ATF2: variants seen among roughly 807,000 people sequenced by gnomAD.
ATF2 encodes the protein activating transcription factor 2.
In ATF2, 24 loss-of-function variants were observed where a neutral mutation model predicts 60.6. That is an observed-to-expected ratio of 0.40 (90% CI 0.29 to 0.56). ATF2 has a LOEUF of 0.56. ATF2 is among the 20% of genes least tolerant of loss of function. ATF2 has a pLI of 0.54. For synonymous variants in ATF2, 206 were observed against 215.4 expected, an observed-to-expected ratio of 0.96 and a Z score of 0.38; for missense variants, 433 against 607.7, an observed-to-expected ratio of 0.71 and a Z score of 3.02.
intron 11 of ATF2, among the ~76,000 whole-genome samples, chr2:175,095,684 T>C (rs547779024): frequency 7.9e-5 from 12 of 152,302 alleles, no homozygotes; most frequent in Admixed American, 3.3e-4. Context: ...AAACTAAGTA[T>C]AGCAGTGAAC....
At chr2:175,137,685 A>C (rs1698233771) in intron 2 of ATF2, among the ~76,000 whole-genome samples, 1 of 152,006 alleles carries the variant, frequency 6.6e-6, no homozygotes, top group Admixed American at 6.6e-5. Context: ...CTCTAGAAAA[A>C]CTTTCAGAGG....
chr2:175,114,151 T>C, intron 8 of ATF2, 43 bp from the exon 9 acceptor site: 1 of 1,531,384 alleles, frequency 6.5e-7, no homozygotes, highest in East Asian at 2.3e-5. Flanking sequence ...AAGAGATTCA[T>C]ACCAACTGTC....
In ATF2 at chr2:175,090,168, G is replaced by C. The variant is rs368673771; in HGVS notation, c.1185+2893C>G. Among the ~76,000 whole-genome samples, 56 of 152,108 alleles carry C rather than the reference G, an allele frequency of 3.7e-4. 1 individual carries two copies. The highest frequency in any genetic ancestry group is 1.2e-3 in the African/African-American group (50 of 41,518). On this transcript the variant is annotated intron_variant, in intron 12 of 13. Coordinates refer to ENST00000264110, the MANE Select transcript of ATF2 (RefSeq NM_001880.4). The stretch of plus-strand genomic sequence containing the variant: ...AAGTAAAACCCTTACCCACTAAGCA[G>C]TTTCTCCTTATTCTCCCTCCCCCAT...
chr2:175,140,673 A>T (rs142616170), intron 2 of ATF2, among the ~76,000 whole-genome samples: 1 of 147,120 alleles, frequency 6.8e-6, no homozygotes, highest in South Asian at 2.1e-4. Flanking sequence ...TTTTAAAAGG[A>T]TACCTTGAAC....
At chr2:175,104,889 A>C (rs946076302) in intron 10 of ATF2, among the ~76,000 whole-genome samples, 1 of 152,210 alleles carries the variant, frequency 6.6e-6, no homozygotes, top group African/African-American at 2.4e-5. Flanking sequence ...AAAATGTTTA[A>C]TTAAGAGATT....
intron 11 of ATF2, among the ~76,000 whole-genome samples, chr2:175,093,868 T>C (rs545956203): frequency 6.6e-6 from 1 of 152,318 alleles, no homozygotes; most frequent in East Asian, 1.9e-4. Flanking sequence ...CTTATATTTA[T>C]TAATACTCAT....
At chr2:175,106,660 A>AC (rs900365125) in intron 10 of ATF2, among the ~76,000 whole-genome samples, 8 of 151,460 alleles carry the variant, frequency 5.3e-5, no homozygotes, top group African/African-American at 1.9e-4. Context: ...ACATGGTGAA[A>AC]CCCCATCTCT....
chr2:175,083,719 G>T (rs1409416569), intron 12 of ATF2, among the ~76,000 whole-genome samples: 1 of 152,072 alleles, frequency 6.6e-6, no homozygotes, highest in Non-Finnish European at 1.5e-5. Flanking sequence ...CCTACAAAAT[G>T]GAAGAAAATT....
At chr2:175,081,421 T>G (rs911853985) in intron 12 of ATF2, among the ~76,000 whole-genome samples, 2 of 152,188 alleles carry the variant, frequency 1.3e-5, no homozygotes, top group Non-Finnish European at 2.9e-5. Flanking sequence ...GAATGAGTAC[T>G]TCAGCCATTG....
chr2:175,114,415 G>A (rs1423876357), intron 8 of ATF2: 127 of 1,249,798 alleles, frequency 1.0e-4, no homozygotes, highest in Non-Finnish European at 1.2e-4. Flanking sequence ...ATGGAATCTG[G>A]TGATGCAGTA....
At chr2:175,107,749 G>C (rs1289565912) in intron 10 of ATF2, among the ~76,000 whole-genome samples, 3 of 152,118 alleles carry the variant, frequency 2.0e-5, no homozygotes, top group Non-Finnish European at 4.4e-5. Flanking sequence ...TATTTTTTTT[G>C]GTGGAGACGG....
intron 2 of ATF2, among the ~76,000 whole-genome samples, chr2:175,142,798 CAGAA>C (rs766812605): frequency 1.9e-4 from 27 of 145,526 alleles, no homozygotes; most frequent in East Asian, 4.1e-4. Flanking sequence ...CAGAGAGAAA[CAGAA>C]AGAGAGAGCA....
In ATF2 at chr2:175,157,633, C is replaced by T. The variant is rs377054395; in HGVS notation, c.-142-6475G>A. On this transcript the variant is annotated intron_variant, in intron 1 of 13. Transcript: ENST00000264110. The stretch of plus-strand genomic sequence containing the variant: ...AAAAAAATAAAGGGAAGATCTGGGG[C>T]CAACACTGAAGGGGGAGGGGCACGC... Among the ~76,000 whole-genome samples the T allele has an allele frequency of 2.0e-5, 3 of 152,144 alleles. No homozygotes were observed. In the East Asian group the frequency reaches 5.8e-4, roughly 29 times the overall value.
intron 12 of ATF2, among the ~76,000 whole-genome samples, chr2:175,087,538 T>G (rs949697120): frequency 1.3e-5 from 2 of 152,160 alleles, no homozygotes; most frequent in Non-Finnish European, 2.9e-5. Flanking sequence ...ATCGAAACTT[T>G]TATTGATATT....
chr2:175,120,114 C>G (rs1163942777), intron 5 of ATF2, among the ~76,000 whole-genome samples: 1 of 151,614 alleles, frequency 6.6e-6, no homozygotes, highest in Non-Finnish European at 1.5e-5. Flanking sequence ...AAAGTAATTT[C>G]TAGAAACCAA....
At chr2:175,142,720 A>AGTGTGTGT (rs755635658) in intron 2 of ATF2, among the ~76,000 whole-genome samples, 12 of 71,184 alleles carry the variant, frequency 1.7e-4, no homozygotes, top group East Asian at 1.5e-3. Context: ...AGAGAGAGAG[A>AGTGTGTGT]GTGTGTGTGT....
chr2:175,115,757 A>G (rs1388901457), intron 7 of ATF2, among the ~76,000 whole-genome samples: 2 of 152,208 alleles, frequency 1.3e-5, no homozygotes, highest in Non-Finnish European at 2.9e-5. Flanking sequence ...AAACAAGTAA[A>G]ACAAGTAAGA....
At chr2:175,156,898 G>A (rs928300955) in intron 1 of ATF2, among the ~76,000 whole-genome samples, 9 of 152,076 alleles carry the variant, frequency 5.9e-5, no homozygotes, top group East Asian at 3.9e-4. Flanking sequence ...AAATTAATAC[G>A]GTAAGAAGAG....
At chr2:175,080,878 CAAAG>C (rs771125843) in intron 12 of ATF2, 113 bp from the exon 13 acceptor site, 10 of 732,696 alleles carry the variant, frequency 1.4e-5, no homozygotes, top group Non-Finnish European at 2.2e-5. Flanking sequence ...ACATTAAAAA[CAAAG>C]AAAATATGCT....
Sources: allele counts gnomAD v4.1 joint callset (sites outside exome capture counted in the v4.1 genomes callset), GRCh38; gene constraint gnomAD v4.1.1; transcripts MANE v1.5; gene names NCBI Gene and HGNC (gene_info 2026-07-23, HGNC 2026-07-21).